Variants in SLC12A5 observed in about 807,000 individuals in gnomAD.
The protein encoded by SLC12A5 is K-Cl cotransporter 2.
In SLC12A5, 18 loss-of-function variants were observed where a neutral mutation model predicts 124.0. The observed-to-expected ratio is 0.15, with a 90% CI of 0.10 to 0.22. SLC12A5 has a LOEUF of 0.22. SLC12A5 is among the 10% of genes least tolerant of loss of function. The pLI is 1.00. For missense variants in SLC12A5, 867 were observed against 1,478.7 expected (o/e 0.59, Z 6.78); for synonymous variants, 589 against 568.0 (o/e 1.04, Z -0.53).
intron 4 of SLC12A5, chr20:46,036,153 G>A: frequency 2.1e-6 from 1 of 476,868 alleles, no homozygotes; most frequent in East Asian, 3.2e-5. Context: ...AATTACACAA[G>A]TGATGCAGCT....
chr20:46,028,221 C>T (rs1311257161), upstream of SLC12A5, among the ~76,000 whole-genome samples: 3 of 152,178 alleles, frequency 2.0e-5, no homozygotes, highest in Non-Finnish European at 4.4e-5. Flanking sequence ...GGGGATTAGA[C>T]ACTTCTGCCC....
chr20:46,039,430 T>C (rs750680931), intron 6 of SLC12A5, among the ~76,000 whole-genome samples: 8 of 152,240 alleles, frequency 5.3e-5, no homozygotes, highest in East Asian at 1.9e-4. Context: ...AAAAACCTGA[T>C]TGTGTTCACC....
Position 46,040,610 on chromosome 20 carries a change from T to G in SLC12A5, c.850T>G (p.Phe284Val). The G allele has an allele frequency of 6.2e-7, 1 of 1,614,060 alleles. No individual in the cohort carries two copies. The highest frequency in any genetic ancestry group is 8.5e-7 in the Non-Finnish European group (1 of 1,179,926). ...VIKSAFDPPNFPICLLGNRTL... is the reference protein window; with the variant it reads ...VIKSAFDPPNVPICLLGNRTL... ...CAAGTCTGCCTTCGACCCACCCAAC[T>G]TCCCGTGAGTGCTGCTGCTCTGAGC... Residue 284 changes from phenylalanine (F) to valine (V), a missense_variant, in exon 7 of 26, where the codon TTC becomes GTC. Phe to Val is a conservative substitution (Grantham distance 50). Around this residue, in one of 9 missense-constraint regions of SLC12A5, gnomAD observed 127 missense variants for 164.1 expected, o/e 0.77. Coordinates refer to ENST00000243964, the MANE Select transcript of SLC12A5 (RefSeq NM_020708.5).
At position 46,056,829 on chromosome 20, in the gene SLC12A5, A is replaced by G. The variant is rs2084700397; in HGVS notation, c.3111-68A>G. On this transcript the variant is annotated intron_variant, in intron 23 of 25. Transcript: ENST00000243964. This position sits in a 1 kb window ranked among gnomAD's most constrained non-coding sequence, Gnocchi z 4.3. ...GCAGATGACCATGGCCCAAGCCCCC[A>G]GTGTCTTCCTCTTTTTCTGACTCTG... The G allele has an allele frequency of 1.4e-5, 22 of 1,536,524 alleles. 1 individual carries two copies. The highest frequency in any genetic ancestry group is 2.0e-5 in the Non-Finnish European group (22 of 1,111,208).
chr20:46,035,116 C>T (rs2084485716), intron 2 of SLC12A5, 74 bp downstream of exon 2: 4 of 1,424,878 alleles, frequency 2.8e-6, no homozygotes, highest in Non-Finnish European at 4.0e-6. Flanking sequence ...CTCCCTCCCT[C>T]CCTAGGGAGC....
intron 1 of SLC12A5, among the ~76,000 whole-genome samples, chr20:46,029,611 G>C (rs1470673543): frequency 6.6e-6 from 1 of 152,198 alleles, no homozygotes; most frequent in Non-Finnish European, 1.5e-5. Flanking sequence ...CAGAGCTGCG[G>C]GCCGGGGGAT....
Position 46,057,081 on chromosome 20 carries a change from G to C in SLC12A5, c.3126-89G>C. 6.3e-7 allele frequency: 1 copy of C among 1,598,140 alleles called. No homozygotes were observed. The highest frequency in any genetic ancestry group is 8.6e-7 in the Non-Finnish European group (1 of 1,168,012). ...CTAGGCTTGCAAGAACCAGTCCCCAGCAGCCCAGTTCGGGCTGGAAGGGCG... is the reference window on the plus strand; with the variant it reads ...CTAGGCTTGCAAGAACCAGTCCCCACCAGCCCAGTTCGGGCTGGAAGGGCG... On this transcript the variant is annotated intron_variant, in intron 24 of 25. Transcript: ENST00000243964. The surrounding 1 kb of genome is among the most constrained non-coding windows in gnomAD (Gnocchi z 7.1).
upstream of SLC12A5, chr20:46,029,014 T>G: frequency 9.2e-6 from 6 of 652,728 alleles, no homozygotes; most frequent in Non-Finnish European, 1.0e-5. Flanking sequence ...CCCCCAGTTT[T>G]TGTGCAAGGG....
In SLC12A5 at chr20:46,058,799, C is replaced by T. The variant is rs984984078; in HGVS notation, c.*1194C>T. 9 of 397,970 alleles carry T rather than the reference C, an allele frequency of 2.3e-5. No homozygotes were observed. The highest frequency in any genetic ancestry group is 4.0e-5 in the Non-Finnish European group (9 of 226,088). The allele number at this position is 397,970 out of a possible 1,614,324, so 24.7% of individuals were successfully genotyped here. A position where few individuals can be genotyped will look rare whatever the true frequency, so the allele number is the denominator to read the frequency against. On this transcript the variant is annotated 3_prime_UTR_variant, in exon 26 of 26. Coordinates refer to ENST00000243964, the MANE Select transcript of SLC12A5 (RefSeq NM_020708.5). The surrounding 1 kb of genome is among the most constrained non-coding windows in gnomAD (Gnocchi z 5.8). ...CCCACTGAGAGGCCCCAGAGCCGCC[C>T]GTGATGTTCCTCCCCCGTCCCCATC...
intron 20 of SLC12A5, 29 bp from the exon 21 acceptor site, chr20:46,054,887 C>A (rs2084676275): frequency 1.3e-6 from 2 of 1,566,720 alleles, no homozygotes; most frequent in Non-Finnish European, 1.8e-6. Flanking sequence ...TCTCCCCACC[C>A]CCCAACCCCA....
At position 46,049,750 on chromosome 20, in the gene SLC12A5, C is replaced by T; in HGVS notation, c.2141C>T (p.Thr714Ile). 1 of 1,602,664 alleles carries T rather than the reference C, an allele frequency of 6.2e-7. No homozygotes were observed. The change falls in exon 17 of 26, where the codon ACC (threonine) becomes ATC (isoleucine). Residue 714 changes from threonine (T) to isoleucine (I), a missense_variant. Physicochemically the swap from Thr to Ile is moderately conservative, Grantham distance 89. This residue lies in a region of SLC12A5 where 110 missense variants were observed against 149.9 expected (regional missense o/e 0.73). Transcript: ENST00000243964. ...ATCGTGGGCTCTGTCCTTGAGGGCA[C>T]CTTTCTGGAAAATCATCCACAGGCC... ...LTIVGSVLEG[T>I]FLENHPQAQR... is the part of the protein sequence containing the mutation.
chr20:46,043,718 C>A lies in SLC12A5; in HGVS notation c.1323C>A (p.Thr441=). ...CTGGCACCATCCTGGCCATCGCCAC[C>A]ACCTCTGCTGTCTGTATCCTGCACA... ...IPTGTILAIA[T]TSAVYISSVV... Residue 441 remains threonine (T), a synonymous_variant, in exon 10 of 26, where the codon ACC becomes ACA. Transcript: ENST00000243964. The A allele has an allele frequency of 6.2e-7, 1 of 1,614,238 alleles. No homozygotes were observed. Among genetic ancestry groups the A allele is most frequent in the Non-Finnish European group, 8.5e-7 (1 of 1,180,048 alleles).
chr20:46,025,989 G>T (rs1222058429), upstream of SLC12A5, among the ~76,000 whole-genome samples: 1 of 152,192 alleles, frequency 6.6e-6, no homozygotes, highest in Non-Finnish European at 1.5e-5. Context: ...GGTGGCTCTA[G>T]CTTCCTCCAA....
At position 46,040,393 on chromosome 20, in the gene SLC12A5, G is replaced by A; in HGVS notation, c.633G>A (p.Met211Ile). 1.1e-5 allele frequency: 17 copies of A among 1,614,136 alleles called. No homozygotes were observed. Among genetic ancestry groups the A allele is most frequent in the Non-Finnish European group, 1.4e-5 (17 of 1,180,042 alleles). ...EILLAYLFPAMAIFKAEDASG... is the reference protein window; with the variant it reads ...EILLAYLFPAIAIFKAEDASG... ...CACAGGCTTACCTCTTCCCAGCCAT[G>A]GCCATCTTCAAGGCAGAAGATGCCA... is the stretch of plus-strand genomic sequence containing the variant. Residue 211 changes from methionine to isoleucine, a missense_variant, in exon 7 of 26, where the codon ATG becomes ATA. Met to Ile is a conservative substitution (Grantham distance 10, BLOSUM62 1). Around this residue, in one of 9 missense-constraint regions of SLC12A5, gnomAD observed 126 missense variants for 291.6 expected, o/e 0.43. Coordinates refer to ENST00000243964, the MANE Select transcript of SLC12A5 (RefSeq NM_020708.5).
rs2084705554 is a variant in SLC12A5, at chr20:46,057,328, A to C, written c.3259+25A>C. ...TGTATCCTGGAATTAAAATTGGGGG[A>C]AAGAGGGAGGTGGACGTCAGGGAAT... On this transcript the variant is annotated intron_variant, in intron 25 of 25. Transcript: ENST00000243964. The surrounding 1 kb of genome is among the most constrained non-coding windows in gnomAD (Gnocchi z 7.1). 5 of 1,613,468 alleles carry C rather than the reference A, an allele frequency of 3.1e-6. No individual in the cohort carries two copies. Among genetic ancestry groups the C allele is most frequent in the Non-Finnish European group, 4.2e-6 (5 of 1,179,454 alleles).
chr20:46,030,812 C>T (rs1053813476), intron 1 of SLC12A5, among the ~76,000 whole-genome samples: 1 of 151,968 alleles, frequency 6.6e-6, no homozygotes, highest in African/African-American at 2.4e-5. Flanking sequence ...CCCCCCCACC[C>T]CCCGCCGCTT....
In SLC12A5 at chr20:46,053,494, G is replaced by T. The variant is rs1600604840; in HGVS notation, c.2548-84G>T. The T allele has an allele frequency of 2.6e-6, 4 of 1,568,102 alleles. No homozygotes were observed. The East Asian group carries it at 9.0e-5, about 35-fold the overall frequency. On this transcript the variant is annotated intron_variant, in intron 19 of 25. Transcript: ENST00000243964. The surrounding 1 kb of genome is among the most constrained non-coding windows in gnomAD (Gnocchi z 4.7). The stretch of plus-strand genomic sequence containing the variant: ...GTGTGAGGAGTGGGTGGGAAGAGGG[G>T]AAGGGTGAGCGGACAGGGCCTGGCC...
At position 46,045,283 on chromosome 20, in the gene SLC12A5, T is replaced by C; in HGVS notation, c.1569+143T>C. 7 of 1,004,020 alleles carry C rather than the reference T, an allele frequency of 7.0e-6. 1 individual carries two copies. The South Asian group carries it at 1.3e-4, about 19-fold the overall frequency. The allele number at this position is 1,004,020 out of a possible 1,614,324, so 62.2% of individuals were successfully genotyped here. Reference sequence around the variant, plus strand: ...CTCTGTACTGCACTGGCCAGGCCTATCTGGCAGGGTCTGAGGCACAGGGAC... The same window carrying C: ...CTCTGTACTGCACTGGCCAGGCCTACCTGGCAGGGTCTGAGGCACAGGGAC... On this transcript the variant is annotated intron_variant, in intron 12 of 25. Coordinates refer to ENST00000243964, the MANE Select transcript of SLC12A5 (RefSeq NM_020708.5). The surrounding 1 kb of genome is among the most constrained non-coding windows in gnomAD (Gnocchi z 4.9).
chr20:46,023,762 G>A (rs2084375066), downstream of SLC12A5, among the ~76,000 whole-genome samples: 1 of 152,182 alleles, frequency 6.6e-6, no homozygotes, highest in African/African-American at 2.4e-5. Flanking sequence ...ATGTCCCGGT[G>A]GATGGCAGTC....
Sources: allele counts gnomAD v4.1 joint callset (sites outside exome capture counted in the v4.1 genomes callset), GRCh38; gene constraint gnomAD v4.1.1; regional missense constraint gnomAD v4.1.1; non-coding constraint Gnocchi (gnomAD v3.1); transcripts MANE v1.5; gene names NCBI Gene and HGNC (gene_info 2026-07-23, HGNC 2026-07-21).